Variants in RTL9 observed in about 807,000 individuals in gnomAD.
The protein encoded by RTL9 is retrotransposon Gag-like protein 9.
RTL9 carries 19 observed loss-of-function variants against 44.7 expected under a neutral mutation model. The ratio of observed to expected loss-of-function variants is 0.42; its 90% CI spans 0.30 to 0.62. The LOEUF (loss-of-function observed/expected upper bound fraction) is 0.62, where lower values mean the gene tolerates loss of function less well. RTL9 is among the 20% of genes least tolerant of loss of function. The pLI is 0.16. For missense variants in RTL9, 1,105 were observed against 1,080.6 expected, an observed-to-expected ratio of 1.02 and a Z score of -0.32; for synonymous variants, 407 against 398.9, an observed-to-expected ratio of 1.02 and a Z score of -0.24.
At chrX:110,393,171 A>G (rs1249825047) in intron 1 of RTL9, among the ~76,000 whole-genome samples, 3 of 111,465 alleles carry the variant, frequency 2.7e-5, no homozygotes. Context: ...GTCCAACTAC[A>G]TGGGTTCAAA....
At chrX:110,410,736 G>C (rs757187550) in intron 1 of RTL9, among the ~76,000 whole-genome samples, 1 of 111,443 alleles carries the variant, frequency 9.0e-6, no homozygotes, top group South Asian at 3.8e-4. Context: ...AGCTGCGTTG[G>C]TGGTGATGTA....
intron 1 of RTL9, among the ~76,000 whole-genome samples, chrX:110,428,281 T>C (rs994666705): frequency 8.9e-5 from 10 of 111,884 alleles, no homozygotes; most frequent in Admixed American, 4.7e-4. Flanking sequence ...AAATGTAATC[T>C]GATCCTAGCC....
At chrX:110,405,117 C>T (rs1167676110) in intron 1 of RTL9, among the ~76,000 whole-genome samples, 1 of 94,555 alleles carries the variant, frequency 1.1e-5, no homozygotes, top group African/African-American at 3.9e-5. Context: ...TGAGTCAGAG[C>T]CTTTCATGGG....
chrX:110,430,708 C>T (rs924457175), intron 1 of RTL9, among the ~76,000 whole-genome samples: 3 of 112,446 alleles, frequency 2.7e-5, no homozygotes, highest in African/African-American at 9.7e-5. Context: ...TTTTCATTTC[C>T]TAACTAGAGA....
At chrX:110,360,396 G>C (rs768729096) in intron 1 of RTL9, among the ~76,000 whole-genome samples, 37 of 111,870 alleles carry the variant, frequency 3.3e-4, no homozygotes, top group Non-Finnish European at 3.8e-5. Context: ...GTTTTCATAT[G>C]GGAGATTAAC....
intron 1 of RTL9, among the ~76,000 whole-genome samples, chrX:110,395,984 G>A (rs376330051): frequency 2.7e-5 from 3 of 111,700 alleles, no homozygotes; most frequent in African/African-American, 9.8e-5. Flanking sequence ...AAGCAGAAAA[G>A]TACTTTACAA....
rs570855304 is a variant in RTL9, at chrX:110,436,374, T to C, written c.-167-8779T>C. ...TGGCTTAAGGAGAGCTCTTTAAACA[T>C]GCAGATTCTAGGGCTGAAGCACAAA... On this transcript the variant is annotated intron_variant, in intron 1 of 3. Coordinates refer to the RTL9 transcript ENST00000465301. Among the ~76,000 whole-genome samples the C allele has an allele frequency of 1.1e-4, 12 of 111,909 alleles. No individual in the cohort carries two copies. In the South Asian group the frequency reaches 4.6e-3, roughly 42 times the overall value.
rs776217015 is a variant in RTL9, at chrX:110,420,323, C to T, written c.-168+1188C>T. ...CTGGAATAGCTAACCAAGGAATATTCGTTGAATGAGCAAATGAGTGAGGGA... is the reference window on the plus strand; with the variant it reads ...CTGGAATAGCTAACCAAGGAATATTTGTTGAATGAGCAAATGAGTGAGGGA... On this transcript the variant is annotated intron_variant, in intron 1 of 3. Coordinates refer to the RTL9 transcript ENST00000465301. Among the ~76,000 whole-genome samples the T allele has an allele frequency of 8.4e-4, 94 of 112,157 alleles. 2 individuals carry two copies. The highest frequency in any genetic ancestry group is 2.5e-3 in the Admixed American group (26 of 10,587).
chrX:110,453,272 C>T (rs1458287009), exon 1 of RTL9: 1 of 1,211,416 alleles, frequency 8.3e-7, no homozygotes, highest in Non-Finnish European at 1.1e-6. Context: ...GAGACATGTG[C>T]ACACTACCAG....
At chrX:110,388,114 G>A (rs1006007254) in intron 1 of RTL9, among the ~76,000 whole-genome samples, 23 of 110,911 alleles carry the variant, frequency 2.1e-4, no homozygotes, top group African/African-American at 7.2e-4. Flanking sequence ...TGATCTGCCC[G>A]CCTCAGCCTC....
At chrX:110,392,788 C>T (rs2068503748) in intron 1 of RTL9, among the ~76,000 whole-genome samples, 1 of 112,078 alleles carries the variant, frequency 8.9e-6, no homozygotes, top group African/African-American at 3.2e-5. Flanking sequence ...TGATCATTTA[C>T]ACCCTTTAGG....
chrX:110,431,323 C>CTGTGTGTGTGTG lies in RTL9; in HGVS notation c.-168+12209_-168+12220dup, dbSNP rs759432836. Among the ~76,000 whole-genome samples, 53 of 94,963 alleles carry CTGTGTGTGTGTG rather than the reference C, an allele frequency of 5.6e-4. 1 individual carries two copies. The highest frequency in any genetic ancestry group is 5.2e-3 in the Middle Eastern group (1 of 194). The allele number at this position is 94,963 out of a possible 115,157, so 82.5% of individuals were successfully genotyped here. ...CATGAGAAGGAAAATGAGGGGAAGG[C>CTGTGTGTGTGTG]TGTGTGTGTGTGTGTGTGTGTGTGT... is the stretch of plus-strand genomic sequence containing the variant. On this transcript the variant is annotated intron_variant, in intron 1 of 3. Coordinates refer to the RTL9 transcript ENST00000465301.
intron 1 of RTL9, among the ~76,000 whole-genome samples, chrX:110,386,524 T>A (rs1445233979): frequency 9.0e-6 from 1 of 111,195 alleles, no homozygotes; most frequent in African/African-American, 3.3e-5. Flanking sequence ...TGCCCATTTT[T>A]AAATTGGGTT....
At chrX:110,444,401 G>T (rs1461970079) in intron 1 of RTL9, among the ~76,000 whole-genome samples, 5 of 112,696 alleles carry the variant, frequency 4.4e-5, no homozygotes, top group Non-Finnish European at 9.4e-5. Flanking sequence ...TTAACTGTGA[G>T]TGATTCCCTA....
rs186417532 is a variant in RTL9 at position 110,380,073 on chromosome X, T to C, written c.-168+21157T>C. Reference sequence around the variant, plus strand: ...GGTCTGATTCCTTATCCCCATCAGATTTCCCAGGCATTCTGGTACAGGTGG... The same window carrying C: ...GGTCTGATTCCTTATCCCCATCAGACTTCCCAGGCATTCTGGTACAGGTGG... On this transcript the variant is annotated intron_variant, in intron 1 of 2. Coordinates refer to the RTL9 transcript ENST00000520821. Among the ~76,000 whole-genome samples, 18 of 111,645 alleles carry C rather than the reference T, an allele frequency of 1.6e-4. No homozygotes were observed. The Admixed American group carries it at 1.6e-3, about 10-fold the overall frequency.
intron 1 of RTL9, among the ~76,000 whole-genome samples, chrX:110,402,540 G>A (rs2068572232): frequency 8.9e-6 from 1 of 112,736 alleles, no homozygotes; most frequent in South Asian, 3.7e-4. Context: ...CTGACTGAGA[G>A]CTGTGTCCCC....
chrX:110,386,536 T>C (rs778887663), intron 1 of RTL9, among the ~76,000 whole-genome samples: 4 of 111,401 alleles, frequency 3.6e-5, no homozygotes, highest in Non-Finnish European at 5.7e-5. Context: ...AATTGGGTTG[T>C]CATTTTATTA....
At chrX:110,452,686 G>T in exon 1 of RTL9, 2 of 1,211,548 alleles carry the variant, frequency 1.7e-6, no homozygotes, top group Non-Finnish European at 2.2e-6. Flanking sequence ...ACAGTCTCTG[G>T]AGGGATGTCC....
chrX:110,401,421 C>T (rs745966406), intron 1 of RTL9, among the ~76,000 whole-genome samples: 1 of 111,957 alleles, frequency 8.9e-6, no homozygotes, highest in East Asian at 2.8e-4. Flanking sequence ...CCTAACTCCT[C>T]TAAGACCTTG....
Sources: gnomAD v4.1 joint callset for allele counts (sites outside exome capture counted in the v4.1 genomes callset) on GRCh38, gnomAD v4.1.1 for gene constraint, MANE v1.5 for transcripts, NCBI Gene and HGNC (gene_info 2026-07-23, HGNC 2026-07-21) for gene names.